MPP3: variants seen among roughly 807,000 people sequenced by gnomAD.
MPP3 encodes the protein MAGUK p55 scaffold protein 3, also known as MAGUK p55 subfamily member 3.
A neutral mutation model predicts 80.7 loss-of-function variants in MPP3; 48 were observed. That is an observed-to-expected ratio of 0.59 (90% CI 0.47 to 0.76). The LOEUF (loss-of-function observed/expected upper bound fraction) is 0.76, where lower values mean the gene tolerates loss of function less well. MPP3 is among the 30% of genes least tolerant of loss of function. The pLI is 0.00. For synonymous variants in MPP3, 311 were observed against 297.6 expected, an observed-to-expected ratio of 1.04 and a Z score of -0.46; for missense variants, 620 against 763.0, an observed-to-expected ratio of 0.81 and a Z score of 2.21.
intron 19 of MPP3, 67 bp downstream of exon 19, chr17:43,808,889 G>A: frequency 6.5e-7 from 1 of 1,540,648 alleles, no homozygotes; most frequent in South Asian, 1.3e-5. Flanking sequence ...CCCTTATGCA[G>A]CTAGAAGCGT....
Position 43,801,647 on chromosome 17 carries a change from T to A in MPP3, c.*54A>T. ...ATTCCTTGATGGTAAAATGAGGGAG[T>A]CTGGACTAGATGATCTTCAAGGTCC... On this transcript the variant is annotated 3_prime_UTR_variant, in exon 20 of 20. Coordinates refer to ENST00000398389, the MANE Select transcript of MPP3 (RefSeq NM_001932.6). The A allele has an allele frequency of 6.5e-7, 1 of 1,532,118 alleles. No homozygotes were observed. Among genetic ancestry groups the A allele is most frequent in the Admixed American group, 1.7e-5 (1 of 57,720 alleles). 94.9% of individuals were successfully genotyped at this position (1,532,118 alleles called of 1,614,324 possible).
intron 14 of MPP3, 109 bp from the exon 15 acceptor site, chr17:43,814,470 A>G: frequency 3.4e-6 from 4 of 1,164,654 alleles, no homozygotes; most frequent in Non-Finnish European, 4.7e-6. Context: ...ACTGAGTCCC[A>G]CTGACTTCTC....
chr17:43,807,495 T>C (rs2044670186), intron 19 of MPP3, among the ~76,000 whole-genome samples: 1 of 151,112 alleles, frequency 6.6e-6, no homozygotes, highest in African/African-American at 2.4e-5. Flanking sequence ...TTTTTGTAAT[T>C]TTTTTGTAGA....
chr17:43,830,089 C>T lies in MPP3; in HGVS notation c.241G>A (p.Ala81Thr). 6.5e-7 allele frequency: 1 copy of T among 1,547,296 alleles called. No individual in the cohort carries two copies. Among genetic ancestry groups the T allele is most frequent in the Admixed American group, 2.0e-5 (1 of 49,944 alleles). ...LAEDVMEELQAASVHSDEREL... is the reference protein window; with the variant it reads ...LAEDVMEELQTASVHSDEREL... ...CTCTCATCACTGTGCACGGAGGCGG[C>T]CTGCAACTCCTCCATCACCTGCAGA... The change falls in exon 6 of 20, where the codon GCC becomes ACC. Residue 81 changes from alanine (A) to threonine (T), a missense_variant. By Grantham distance (58) the Ala-to-Thr change is moderately conservative (BLOSUM62 0). Transcript: ENST00000398389.
chr17:43,808,323 TCTG>T (rs1291077381), intron 19 of MPP3, among the ~76,000 whole-genome samples: 1 of 152,060 alleles, frequency 6.6e-6, no homozygotes, highest in African/African-American at 2.4e-5. Context: ...TCCAACTCAT[TCTG>T]CTAACTGACC....
chr17:43,832,360 TG>T (rs1308730668), intron 2 of MPP3: 3 of 216,204 alleles, frequency 1.4e-5, no homozygotes, highest in African/African-American at 4.8e-5. Context: ...CCCCCTCCAC[TG>T]CAACCTTCTA....
chr17:43,831,666 T>A lies in MPP3; in HGVS notation c.37A>T (p.Thr13Ser). The A allele has an allele frequency of 6.2e-7, 1 of 1,610,584 alleles. No individual in the cohort carries two copies. Among genetic ancestry groups the A allele is most frequent in the Non-Finnish European group, 8.5e-7 (1 of 1,177,888 alleles). ...AGCTGGGAGGTCAGCAGGGCCAGGGTTTCATGCAAACCTGGGGAGAGGTGA... is the reference window on the plus strand; with the variant it reads ...AGCTGGGAGGTCAGCAGGGCCAGGGATTCATGCAAACCTGGGGAGAGGTGA... ...VLSEDSGLHE[T>S]LALLTSQLRP... is the part of the protein sequence containing the mutation. Residue 13 changes from threonine to serine, a missense_variant, in exon 4 of 20, where the codon ACC (threonine) becomes TCC (serine). By Grantham distance (58) the Thr-to-Ser change is moderately conservative. Coordinates refer to ENST00000398389, the MANE Select transcript of MPP3 (RefSeq NM_001932.6).
At position 43,830,072 on chromosome 17, in the gene MPP3, A is replaced by G; in HGVS notation, c.258T>C (p.Ser86=). Residue 86 remains serine, a synonymous_variant, in exon 6 of 20, where the codon AGT becomes AGC. Coordinates refer to ENST00000398389, the MANE Select transcript of MPP3 (RefSeq NM_001932.6). ...MEELQAASVH[S]DERELLQLLS... ...GCAGCTGGAGCAGCTCCCTCTCATC[A>G]CTGTGCACGGAGGCGGCCTGCAACT... The G allele has an allele frequency of 1.9e-6, 3 of 1,580,746 alleles. No individual in the cohort carries two copies. Among genetic ancestry groups the G allele is most frequent in the South Asian group, 2.3e-5 (2 of 85,380 alleles).
chr17:43,817,251 G>A (rs1438105664), intron 12 of MPP3, among the ~76,000 whole-genome samples: 2 of 152,140 alleles, frequency 1.3e-5, no homozygotes, highest in East Asian at 3.9e-4. Flanking sequence ...CTACCCTGGG[G>A]CTCTGATCAC....
chr17:43,826,831 T>TATATATA (rs57570654), intron 8 of MPP3, among the ~76,000 whole-genome samples: 7 of 118,520 alleles, frequency 5.9e-5, no homozygotes, highest in African/African-American at 2.8e-4. Flanking sequence ...TATATATATA[T>TATATATA]TTTTTTTTTT....
Position 43,823,950 on chromosome 17 carries a change from TCTTCCTC to T in MPP3, c.658_664del (p.Glu220IlefsTer3). On this transcript the variant is annotated frameshift_variant, in exon 10 of 20. Coordinates refer to ENST00000398389, the MANE Select transcript of MPP3 (RefSeq NM_001932.6). LOFTEE classifies it high-confidence loss of function. ...CCATACCTTGCTCTCCTTTAAGCGA[TCTTCCTC>T]CTGGGTGGCTGGGATGATTTTTAGG... is the stretch of plus-strand genomic sequence containing the variant. 1 of 1,611,116 alleles carries T rather than the reference TCTTCCTC, an allele frequency of 6.2e-7. No homozygotes were observed. Among genetic ancestry groups the T allele is most frequent in the South Asian group, 1.1e-5 (1 of 90,428 alleles).
chr17:43,816,560 C>A lies in MPP3; in HGVS notation c.967+117G>T, dbSNP rs1035045884. 5 of 955,890 alleles carry A rather than the reference C, an allele frequency of 5.2e-6. No individual in the cohort carries two copies. In the African/African-American group the frequency reaches 6.5e-5, roughly 12 times the overall value. 59.2% of individuals were successfully genotyped at this position (955,890 alleles called of 1,614,324 possible). ...AGCTGGCAGAGCAGGAAGAGGTGCG[C>A]AGACAGTGGGAGGGGCACAGCTGCC... On this transcript the variant is annotated intron_variant, in intron 13 of 19. Transcript: ENST00000398389.
chr17:43,816,753 C>G, intron 12 of MPP3, 56 bp from the exon 13 acceptor site: 12 of 1,547,122 alleles, frequency 7.8e-6, no homozygotes, highest in Non-Finnish European at 1.1e-5. Context: ...AGCGGGGACC[C>G]TGCGGCTGAG....
intron 5 of MPP3, among the ~76,000 whole-genome samples, chr17:43,830,669 C>T (rs1310138318): frequency 6.6e-6 from 1 of 152,166 alleles, no homozygotes. Flanking sequence ...GGGCTCTGCA[C>T]CCACAAGCTG....
rs756771223 is a variant in MPP3 at position 43,811,222 on chromosome 17, G to A, written c.1256-17C>T. The A allele has an allele frequency of 1.2e-6, 2 of 1,602,008 alleles. No homozygotes were observed. Among genetic ancestry groups the A allele is most frequent in the South Asian group, 1.1e-5 (1 of 90,844 alleles). ...TGGTGGTATCTTTTAAAGAAAGAAG[G>A]AAAGCTGGGCAAAGAGATGTCACAT... On this transcript the variant is annotated splice_polypyrimidine_tract_variant and intron_variant, in intron 16 of 19. Transcript: ENST00000398389.
At position 43,814,077 on chromosome 17, in the gene MPP3, G is replaced by A. The variant is rs944159805; in HGVS notation, c.1189C>T (p.Arg397Ter). The A allele has an allele frequency of 3.7e-6, 6 of 1,612,720 alleles. No individual in the cohort carries two copies. Among genetic ancestry groups the A allele is most frequent in the African/African-American group, 2.7e-5 (2 of 74,862 alleles). Residue 397 changes from arginine to a stop codon, truncating the protein, a stop_gained, in exon 16 of 20, where the codon CGA becomes TGA. Coordinates refer to ENST00000398389, the MANE Select transcript of MPP3 (RefSeq NM_001932.6). LOFTEE classifies it high-confidence loss of function. ...LVVLIGSLGA[R>*]LHELKQKVVA... Reference sequence around the variant, plus strand: ...ACCTTTTGCTTCAGCTCGTGCAGTCGGGCTCCCAGAGACCCTGGGAAACAA... The same window carrying A: ...ACCTTTTGCTTCAGCTCGTGCAGTCAGGCTCCCAGAGACCCTGGGAAACAA...
At chr17:43,814,647 T>A in intron 14 of MPP3, 1 of 312,326 alleles carries the variant, frequency 3.2e-6, no homozygotes, top group Non-Finnish European at 5.9e-6. Context: ...TCCTTACCTG[T>A]GAAATGAAGA....
chr17:43,829,518 C>G (rs1307054122), intron 7 of MPP3, 136 bp downstream of exon 7: 1 of 1,023,442 alleles, frequency 9.8e-7, no homozygotes, highest in East Asian at 2.6e-5. Context: ...AGAGGCACCA[C>G]AGGGATGAGC....
intron 19 of MPP3, among the ~76,000 whole-genome samples, chr17:43,808,100 TAATAA>T (rs1357366332): frequency 6.6e-6 from 1 of 152,182 alleles, no homozygotes; most frequent in Admixed American, 6.5e-5. Context: ...AAAAAAATAA[TAATAA>T]AATAAAAAGT....
Sources: allele counts gnomAD v4.1 joint callset (sites outside exome capture counted in the v4.1 genomes callset), GRCh38; gene constraint gnomAD v4.1.1; transcripts MANE v1.5; gene names NCBI Gene and HGNC (gene_info 2026-07-23, HGNC 2026-07-21).